EREG: variants seen among roughly 807,000 people sequenced by gnomAD.
The protein encoded by EREG is proepiregulin.
EREG carries 23 observed loss-of-function variants against 22.4 expected under a neutral mutation model. The observed-to-expected ratio is 1.03, with a 90% CI of 0.74 to 1.46. The LOEUF (loss-of-function observed/expected upper bound fraction) is 1.46, where lower values mean the gene tolerates loss of function less well. EREG is among the 40% of genes most tolerant of loss of function. The pLI is 0.00. For synonymous variants in EREG, 100 were observed against 75.4 expected, an observed-to-expected ratio of 1.33 and a Z score of -1.69; for missense variants, 226 against 205.9, an observed-to-expected ratio of 1.10 and a Z score of -0.60.
Position 74,381,124 on chromosome 4 carries a change from C to G in EREG, c.265C>G (p.Gln89Glu), listed in dbSNP as rs372206060. Residue 89 changes from glutamine (Q) to glutamate (E), a missense_variant, in exon 3 of 5, where the codon CAA (glutamine) becomes GAA (glutamate). Transcript: ENST00000244869. ...GQCIYLVDMS[Q>E]NYCRCEVGYT... ...GTGCATCTATCTGGTGGACATGAGT[C>G]AAAACTACTGCAGGTAATATGTCAG... The G allele has an allele frequency of 1.3e-5, 21 of 1,611,748 alleles. No homozygotes were observed. The highest frequency in any genetic ancestry group is 1.7e-5 in the Non-Finnish European group (20 of 1,179,230).
In EREG at chr4:74,387,709, G is replaced by A. The variant is rs949738267; in HGVS notation, c.*2901G>A. ...CTTAGTCTAACTCCCCCATTTTACA[G>A]ATTTCTCACTATATATATTTCTAGA... On this transcript the variant is annotated 3_prime_UTR_variant, in exon 5 of 5. Transcript: ENST00000244869. The A allele has an allele frequency of 6.6e-6, 1 of 152,072 alleles. No homozygotes were observed. Among genetic ancestry groups the A allele is most frequent in the Non-Finnish European group, 1.5e-5 (1 of 67,996 alleles). 9.4% of individuals were successfully genotyped at this position (152,072 alleles called of 1,614,324 possible).
intron 1 of EREG, among the ~76,000 whole-genome samples, chr4:74,366,653 C>T (rs747950275): frequency 5.9e-5 from 9 of 152,176 alleles, no homozygotes; most frequent in Non-Finnish European, 1.3e-4. Context: ...TGTAAGGTTG[C>T]ATCTGAACAA....
At chr4:74,384,609 G>GTTCA (rs1216209105) in intron 4 of EREG, 118 bp from the exon 5 acceptor site, 29 of 423,056 alleles carry the variant, frequency 6.9e-5, no homozygotes, top group Admixed American at 5.6e-4. Flanking sequence ...ACCTAAATCT[G>GTTCA]TTCAACTTTG....
intron 1 of EREG, among the ~76,000 whole-genome samples, chr4:74,365,713 T>G (rs1437360633): frequency 1.4e-5 from 2 of 146,350 alleles, no homozygotes; most frequent in African/African-American, 2.6e-5. Context: ...TCTAAAGGCC[T>G]GGAACGCACT....
chr4:74,376,014 T>G (rs1752377070), intron 1 of EREG, among the ~76,000 whole-genome samples: 1 of 152,100 alleles, frequency 6.6e-6, no homozygotes, highest in South Asian at 2.1e-4. Context: ...GTAAGGAAAG[T>G]CCAGTCTTTG....
At chr4:74,373,463 A>G (rs1752327097) in intron 1 of EREG, among the ~76,000 whole-genome samples, 1 of 151,664 alleles carries the variant, frequency 6.6e-6, no homozygotes, top group Admixed American at 6.6e-5. Flanking sequence ...CTTGGGTTTC[A>G]TATGTTTTAT....
At chr4:74,371,029 C>A (rs1431228059) in intron 1 of EREG, among the ~76,000 whole-genome samples, 1 of 152,036 alleles carries the variant, frequency 6.6e-6, no homozygotes, top group African/African-American at 2.4e-5. Flanking sequence ...CTGGTCTCTA[C>A]CCACTAGATG....
chr4:74,380,450 G>T (rs574242377), intron 2 of EREG, among the ~76,000 whole-genome samples: 100 of 152,202 alleles, frequency 6.6e-4, no homozygotes, highest in African/African-American at 2.2e-3. Flanking sequence ...CTCACTCAGG[G>T]TTTGTCTAGT....
intron 1 of EREG, among the ~76,000 whole-genome samples, chr4:74,374,732 G>C (rs926442501): frequency 6.6e-5 from 10 of 152,020 alleles, no homozygotes; most frequent in Non-Finnish European, 1.5e-5. Flanking sequence ...CCAATATTGT[G>C]TAAGGGTGTA....
At chr4:74,369,765 T>G (rs765816404) in intron 1 of EREG, among the ~76,000 whole-genome samples, 3 of 152,138 alleles carry the variant, frequency 2.0e-5, no homozygotes, top group Non-Finnish European at 4.4e-5. Context: ...TGCACCAGTT[T>G]TTTCTTTCAT....
At chr4:74,366,331 T>A (rs1752184531) in intron 1 of EREG, among the ~76,000 whole-genome samples, 2 of 152,166 alleles carry the variant, frequency 1.3e-5, no homozygotes, top group Non-Finnish European at 2.9e-5. Flanking sequence ...ACACTCTAAC[T>A]CTACCTGTGA....
At chr4:74,365,421 A>G in intron 1 of EREG, 46 bp downstream of exon 1, 1 of 1,555,708 alleles carries the variant, frequency 6.4e-7, no homozygotes, top group Non-Finnish European at 8.8e-7. Flanking sequence ...AGAGGAGACA[A>G]ATAAGGAAGG....
chr4:74,384,051 A>G (rs1752525802), intron 4 of EREG, among the ~76,000 whole-genome samples: 1 of 152,196 alleles, frequency 6.6e-6, no homozygotes, highest in Non-Finnish European at 1.5e-5. Flanking sequence ...GGGACAAAAT[A>G]AACTCAAAAA....
At position 74,365,448 on chromosome 4, in the gene EREG, A is replaced by G. The variant is rs1578814490; in HGVS notation, c.67+73A>G. 7.7e-6 allele frequency: 10 copies of G among 1,292,558 alleles called. No individual in the cohort carries two copies. In the South Asian group the frequency reaches 8.6e-5, roughly 11 times the overall value. The allele number at this position is 1,292,558 out of a possible 1,614,324, so 80.1% of individuals were successfully genotyped here. On this transcript the variant is annotated intron_variant, in intron 1 of 4. Transcript: ENST00000244869. ...TAAGGAAGGCTCCTGTGCATTTGTC[A>G]TTCGACAAGTACGGAGTTGTCTCCA...
intron 3 of EREG, 184 bp from the exon 4 acceptor site, chr4:74,382,461 G>C (rs770006555): frequency 6.9e-4 from 348 of 502,274 alleles, no homozygotes; most frequent in Non-Finnish European, 1.0e-3. Flanking sequence ...TTTAGTCCAA[G>C]AGCTACGTGG....
chr4:74,371,250 T>C (rs561867231), intron 1 of EREG, among the ~76,000 whole-genome samples: 8 of 152,290 alleles, frequency 5.3e-5, no homozygotes, highest in Non-Finnish European at 1.0e-4. Context: ...GTTTGGAAAA[T>C]TAGTGCTTGA....
chr4:74,377,874 G>C (rs144210628), intron 1 of EREG, among the ~76,000 whole-genome samples: 4 of 152,114 alleles, frequency 2.6e-5, no homozygotes, highest in Non-Finnish European at 5.9e-5. Flanking sequence ...TCCCTCCTTG[G>C]ACACATGGGG....
rs551098163 is a variant in EREG, at chr4:74,385,856, G to T, written c.*1048G>T. Reference sequence around the variant, plus strand: ...TAACTTTAATACAGCTCAGTAAATGGCTTCTTCTAGAATGTAAAGTTATGT... The same window carrying T: ...TAACTTTAATACAGCTCAGTAAATGTCTTCTTCTAGAATGTAAAGTTATGT... On this transcript the variant is annotated 3_prime_UTR_variant, in exon 5 of 5. Transcript: ENST00000244869. 1 of 396,620 alleles carries T rather than the reference G, an allele frequency of 2.5e-6. No homozygotes were observed. Among genetic ancestry groups the T allele is most frequent in the Non-Finnish European group, 4.4e-6 (1 of 224,842 alleles). 24.6% of individuals were successfully genotyped at this position (396,620 alleles called of 1,614,324 possible).
intron 1 of EREG, among the ~76,000 whole-genome samples, chr4:74,373,596 TTA>T (rs1369178244): frequency 6.7e-6 from 1 of 149,276 alleles, no homozygotes; most frequent in African/African-American, 2.4e-5. Context: ...TTCTATAGAT[TTA>T]TATATATGTG....
Sources: gnomAD v4.1 joint callset for allele counts (sites outside exome capture counted in the v4.1 genomes callset) on GRCh38, gnomAD v4.1.1 for gene constraint, MANE v1.5 for transcripts, NCBI Gene and HGNC (gene_info 2026-07-23, HGNC 2026-07-21) for gene names.